STXBP6: variants seen among roughly 807,000 people sequenced by gnomAD.
STXBP6 encodes syntaxin-binding protein 6.
STXBP6 carries 21 observed loss-of-function variants against 26.9 expected under a neutral mutation model. The observed-to-expected ratio is 0.78, with a 90% CI of 0.55 to 1.12. STXBP6 has a LOEUF of 1.12. Among genes scored for constraint, STXBP6 ranks in the 50% most tolerant of loss-of-function variants. The probability of loss-of-function intolerance (pLI) is 0.00; values close to 1 mark genes in which losing one functional copy is unlikely to be tolerated. For synonymous variants in STXBP6, 97 were observed against 92.6 expected (o/e 1.05, Z -0.27); for missense variants, 232 against 257.9 (o/e 0.90, Z 0.69).
In STXBP6 at chr14:24,871,069, T is replaced by TTTTTTC. The variant is rs1272473426; in HGVS notation, c.155-13918_155-13913dup. ...AATTGACATTTGAAACATGTTTTTT[T>TTTTTTC]TTTTTCTCTAGAAACCACGCCAATA... On this transcript the variant is annotated intron_variant, in intron 2 of 5. Transcript: ENST00000323944. Among the ~76,000 whole-genome samples, 3 of 152,322 alleles carry TTTTTTC rather than the reference T, an allele frequency of 2.0e-5. No homozygotes were observed. In the East Asian group the frequency reaches 5.8e-4, roughly 29 times the overall value.
chr14:24,871,660 T>C (rs1293702975), intron 2 of STXBP6, among the ~76,000 whole-genome samples: 2 of 152,216 alleles, frequency 1.3e-5, no homozygotes, highest in East Asian at 1.9e-4. Flanking sequence ...ACTGTCTGCA[T>C]GGCGTTGCTG....
intron 4 of STXBP6, among the ~76,000 whole-genome samples, chr14:24,838,961 A>G (rs1048367550): frequency 2.6e-5 from 4 of 152,202 alleles, no homozygotes; most frequent in African/African-American, 9.7e-5. Context: ...ATGAAACAAT[A>G]ATAAAAAAAA....
chr14:24,884,691 A>G (rs1258763854), intron 2 of STXBP6, among the ~76,000 whole-genome samples: 3 of 152,180 alleles, frequency 2.0e-5, no homozygotes, highest in Admixed American at 6.5e-5. Context: ...TCGATCTTCA[A>G]TGCTAACTTT....
At chr14:25,009,631 A>G (rs1185208289) in intron 1 of STXBP6, among the ~76,000 whole-genome samples, 1 of 152,102 alleles carries the variant, frequency 6.6e-6, no homozygotes, top group African/African-American at 2.4e-5. Flanking sequence ...ACTTACTCCG[A>G]CTTGGTGCTG....
At chr14:24,899,637 T>C (rs2071128201) in intron 2 of STXBP6, among the ~76,000 whole-genome samples, 1 of 151,796 alleles carries the variant, frequency 6.6e-6, no homozygotes, top group East Asian at 1.9e-4. Context: ...AAAAATTAGC[T>C]GGGTGTGGTG....
intron 2 of STXBP6, among the ~76,000 whole-genome samples, chr14:24,928,364 C>G (rs929376791): frequency 1.3e-5 from 2 of 151,326 alleles, no homozygotes; most frequent in African/African-American, 2.4e-5. Context: ...ACAAACCAAG[C>G]ATCCTTGGTT....
chr14:24,969,722 A>C (rs1415524069), intron 2 of STXBP6, among the ~76,000 whole-genome samples: 1 of 152,218 alleles, frequency 6.6e-6, no homozygotes, highest in East Asian at 1.9e-4. Context: ...ATGAGTGAGC[A>C]AGAATGAAAA....
chr14:24,855,908 G>T, intron 4 of STXBP6, 28 bp downstream of exon 4: 1 of 1,572,006 alleles, frequency 6.4e-7, no homozygotes, highest in South Asian at 1.2e-5. Flanking sequence ...GAAACAGGAT[G>T]ACTAAAGTCA....
In STXBP6 at chr14:24,946,404, T is replaced by C. The variant is rs116243724; in HGVS notation, c.154+28261A>G. Among the ~76,000 whole-genome samples the C allele has an allele frequency of 5.3e-3, 802 of 152,138 alleles. 8 individuals are homozygous for C. The highest frequency in any genetic ancestry group is 0.018 in the African/African-American group (767 of 41,498). On this transcript the variant is annotated intron_variant, in intron 2 of 5. Transcript: ENST00000323944. ...GAATTAAGGTACAGGAGATCTGCAA[T>C]GGAGACAAAACCAAAAGCAAGTGGT...
intron 2 of STXBP6, among the ~76,000 whole-genome samples, chr14:24,867,474 G>A (rs1336703880): frequency 6.6e-6 from 1 of 152,178 alleles, no homozygotes; most frequent in East Asian, 1.9e-4. Context: ...CAATGCAACA[G>A]AATAGAGAGG....
chr14:24,932,343 T>C (rs2072447564), intron 2 of STXBP6, among the ~76,000 whole-genome samples: 1 of 152,242 alleles, frequency 6.6e-6, no homozygotes, highest in East Asian at 1.9e-4. Context: ...GGATTTAAAG[T>C]TTTTAAATCT....
chr14:24,908,144 G>A (rs554635776), intron 2 of STXBP6, among the ~76,000 whole-genome samples: 4 of 152,174 alleles, frequency 2.6e-5, no homozygotes, highest in Admixed American at 1.3e-4. Flanking sequence ...TAAGTCTTTC[G>A]TCTTTACAAT....
intron 2 of STXBP6, among the ~76,000 whole-genome samples, chr14:24,888,099 T>C (rs1293187503): frequency 6.6e-6 from 1 of 152,212 alleles, no homozygotes; most frequent in Non-Finnish European, 1.5e-5. Context: ...GGTAACCAAA[T>C]TCCAGGTCAA....
chr14:24,894,396 G>A (rs886265272), intron 2 of STXBP6, among the ~76,000 whole-genome samples: 17 of 152,160 alleles, frequency 1.1e-4, no homozygotes, highest in African/African-American at 4.1e-4. Flanking sequence ...TATACAAGGG[G>A]ATGCCAGGAG....
In STXBP6 at chr14:24,970,127, G is replaced by T. The variant is rs573922031; in HGVS notation, c.154+4538C>A. On this transcript the variant is annotated intron_variant, in intron 2 of 5. Transcript: ENST00000323944. ...GCAGTGGTGTGCGCCTGTAATCCCA[G>T]TTACTCAGGAGGCTGGGGCAGGAGA... 1.6e-3 allele frequency among the ~76,000 whole-genome samples: 248 copies of T among 152,082 alleles called. 1 individual carries two copies. In the South Asian group the frequency reaches 0.024, roughly 15 times the overall value.
Position 25,000,609 on chromosome 14 carries a change from C to G in STXBP6, c.-32-25759G>C, listed in dbSNP as rs577777803. 1.3e-3 allele frequency among the ~76,000 whole-genome samples: 195 copies of G among 150,602 alleles called. 1 individual carries two copies. The South Asian group carries it at 0.015, about 11-fold the overall frequency. On this transcript the variant is annotated intron_variant, in intron 1 of 5. Coordinates refer to ENST00000323944, the MANE Select transcript of STXBP6 (RefSeq NM_001394410.1). ...CCAGAACCTTCTTCCCTACAGCCAC[C>G]CAAAAAACCTATAACTCTAACTTCC...
intron 2 of STXBP6, among the ~76,000 whole-genome samples, chr14:24,920,114 G>C (rs189693984): frequency 6.6e-6 from 1 of 151,926 alleles, no homozygotes; most frequent in South Asian, 2.1e-4. Flanking sequence ...CAGCATCTAC[G>C]TATCAAAAAG....
chr14:25,021,694 C>T (rs192911398), intron 1 of STXBP6, among the ~76,000 whole-genome samples: 9 of 152,322 alleles, frequency 5.9e-5, no homozygotes, highest in Non-Finnish European at 2.9e-5. Flanking sequence ...TTTCTACTGC[C>T]ATGGCTCCCT....
chr14:25,017,351 T>C (rs895571001), intron 1 of STXBP6, among the ~76,000 whole-genome samples: 8 of 152,198 alleles, frequency 5.3e-5, no homozygotes, highest in African/African-American at 1.9e-4. Flanking sequence ...CACTAAAGCC[T>C]ATCTGATGGG....
Sources: allele counts gnomAD v4.1 joint callset (sites outside exome capture counted in the v4.1 genomes callset), GRCh38; gene constraint gnomAD v4.1.1; transcripts MANE v1.5; gene names NCBI Gene and HGNC (gene_info 2026-07-23, HGNC 2026-07-21).